STARD13: variants seen among roughly 807,000 people sequenced by gnomAD.
STARD13 encodes StAR related lipid transfer domain containing 13.
A neutral mutation model predicts 106.4 loss-of-function variants in STARD13; 62 were observed. The observed-to-expected ratio is 0.58, with a 90% CI of 0.48 to 0.72. The LOEUF is 0.72. STARD13 is among the 30% of genes least tolerant of loss of function. STARD13 has a pLI of 0.00. For synonymous variants in STARD13, 565 were observed against 553.0 expected (o/e 1.02, Z -0.31); for missense variants, 1,387 against 1,424.0 (o/e 0.97, Z 0.42).
At chr13:33,340,341 C>G (rs114778964) in intron 1 of STARD13, among the ~76,000 whole-genome samples, 2,453 of 152,182 alleles carry the variant, frequency 0.016, 72 homozygotes, top group African/African-American at 0.055. Context: ...GTAGGAGTAG[C>G]TAGGACAGGC....
the STARD13 span, among the ~76,000 whole-genome samples, chr13:33,507,119 TCTC>T: frequency 2.0e-5 from 3 of 151,940 alleles, no homozygotes; most frequent in African/African-American, 4.8e-5. Flanking sequence ...ATAAAATACT[TCTC>T]CTTTTTCCAA....
the STARD13 span, among the ~76,000 whole-genome samples, chr13:33,407,359 G>T: frequency 9.2e-5 from 14 of 152,168 alleles, no homozygotes; most frequent in Admixed American, 2.0e-4. Flanking sequence ...GATTGTGGCT[G>T]AATGAAACTG....
At chr13:33,276,490 A>T (rs1379813828) in intron 1 of STARD13, among the ~76,000 whole-genome samples, 1 of 152,208 alleles carries the variant, frequency 6.6e-6, no homozygotes, top group East Asian at 1.9e-4. Context: ...ATAATTTTAC[A>T]TATTATACAT....
At chr13:33,152,783 A>G (rs1881450325) in intron 3 of STARD13, among the ~76,000 whole-genome samples, 1 of 152,188 alleles carries the variant, frequency 6.6e-6, no homozygotes, top group Non-Finnish European at 1.5e-5. Context: ...CCTTGTGCTC[A>G]AGCACAAGCC....
chr13:33,499,646 C>CT, the STARD13 span, among the ~76,000 whole-genome samples: 14 of 129,926 alleles, frequency 1.1e-4, no homozygotes, highest in East Asian at 2.4e-3. Flanking sequence ...TCTTCTTCTT[C>CT]TCCTTCTTCT....
intron 1 of STARD13, among the ~76,000 whole-genome samples, chr13:33,292,018 G>T (rs1306269843): frequency 6.6e-6 from 1 of 152,000 alleles, no homozygotes; most frequent in Admixed American, 6.6e-5. Context: ...GTTATTTCTA[G>T]TAGCTAACAA....
intron 1 of STARD13, among the ~76,000 whole-genome samples, chr13:33,338,680 C>A (rs921658736): frequency 6.6e-6 from 1 of 151,824 alleles, no homozygotes; most frequent in South Asian, 2.1e-4. Context: ...TATAGGAGAT[C>A]GAGACCATCC....
chr13:33,468,031 A>T, the STARD13 span, among the ~76,000 whole-genome samples: 1 of 152,234 alleles, frequency 6.6e-6, no homozygotes, highest in African/African-American at 2.4e-5. Context: ...AATTGCATTT[A>T]GTCACAGGAT....
the STARD13 span, among the ~76,000 whole-genome samples, chr13:33,377,375 A>G: frequency 1.5e-3 from 232 of 152,356 alleles, 1 homozygote; most frequent in Admixed American, 2.3e-3. Flanking sequence ...ACTGAAAGTA[A>G]TAAGAGGTAT....
At chr13:33,241,209 A>C (rs981416021) in intron 1 of STARD13, among the ~76,000 whole-genome samples, 3 of 152,210 alleles carry the variant, frequency 2.0e-5, no homozygotes, top group Non-Finnish European at 4.4e-5. Flanking sequence ...TAAGTGTCAA[A>C]ACAGACCTCT....
At chr13:33,267,023 A>T (rs1045633919) in intron 1 of STARD13, among the ~76,000 whole-genome samples, 8 of 152,218 alleles carry the variant, frequency 5.3e-5, no homozygotes, top group Admixed American at 2.0e-4. Flanking sequence ...AGTTACTGCT[A>T]TGTTACTAAA....
chr13:33,109,902 G>C lies in STARD13; in HGVS notation c.3018C>G (p.Pro1006=). 1.2e-6 allele frequency: 2 copies of C among 1,614,264 alleles called. No homozygotes were observed. Reference sequence around the variant, plus strand: ...GAACCACAAAGTCTCTGGAAGGATGGGGAGCCATGCTGTTCAGCACATACT... The same window carrying C: ...GAACCACAAAGTCTCTGGAAGGATGCGGAGCCATGCTGTTCAGCACATACT... ...IYQYVLNSMA[P]HPSRDFVVLR... is the part of the protein sequence containing the mutation. The change falls in exon 12 of 14, where the codon CCC becomes CCG. Residue 1006 remains proline (P), a synonymous_variant. Coordinates refer to ENST00000336934, the MANE Select transcript of STARD13 (RefSeq NM_178006.4).
At chr13:33,275,440 T>C (rs778800465) in intron 1 of STARD13, among the ~76,000 whole-genome samples, 1 of 152,204 alleles carries the variant, frequency 6.6e-6, no homozygotes, top group Non-Finnish European at 1.5e-5. Flanking sequence ...AATTATAGTC[T>C]CTCATTTAAT....
At chr13:33,213,519 TG>T (rs751273265) in intron 1 of STARD13, among the ~76,000 whole-genome samples, 3 of 152,256 alleles carry the variant, frequency 2.0e-5, no homozygotes, top group Non-Finnish European at 4.4e-5. Flanking sequence ...TCTTTGTTTC[TG>T]TTGCCAAGGA....
chr13:33,539,108 A>C, the STARD13 span, among the ~76,000 whole-genome samples: 1 of 152,344 alleles, frequency 6.6e-6, no homozygotes, highest in East Asian at 1.9e-4. Context: ...TCTATGCATA[A>C]GAAAATTCTA....
intron 1 of STARD13, among the ~76,000 whole-genome samples, chr13:33,340,363 T>C (rs6561865): frequency 0.74 from 111,723 of 151,454 alleles, 41,874 homozygotes; most frequent in East Asian, 0.97. Context: ...CGTGACACCA[T>C]GTTCAGCTAA....
the STARD13 span, among the ~76,000 whole-genome samples, chr13:33,662,387 T>A: frequency 0.014 from 2,077 of 152,318 alleles, 49 homozygotes; most frequent in African/African-American, 0.048. Context: ...ACAGGTTGTA[T>A]AAAAATGAAG....
At chr13:33,606,155 G>A in the STARD13 span, among the ~76,000 whole-genome samples, 1 of 152,124 alleles carries the variant, frequency 6.6e-6, no homozygotes, top group Non-Finnish European at 1.5e-5. Flanking sequence ...ACAAAAATTA[G>A]CTGGGTGTAG....
At chr13:33,606,988 T>A in the STARD13 span, among the ~76,000 whole-genome samples, 2 of 152,202 alleles carry the variant, frequency 1.3e-5, no homozygotes, top group African/African-American at 4.8e-5. Flanking sequence ...TTGTTTAAGG[T>A]CAGCTCATTA....
Sources: gnomAD v4.1 joint callset for allele counts (sites outside exome capture counted in the v4.1 genomes callset) on GRCh38, gnomAD v4.1.1 for gene constraint, MANE v1.5 for transcripts, NCBI Gene and HGNC (gene_info 2026-07-23, HGNC 2026-07-21) for gene names.